Variants in YLPM1 observed in about 807,000 individuals in gnomAD.
YLPM1 encodes the protein YLP motif-containing protein 1.
YLPM1 carries 99 observed loss-of-function variants against 230.0 expected under a neutral mutation model. The ratio of observed to expected loss-of-function variants is 0.43; its 90% CI spans 0.37 to 0.51. The LOEUF is 0.51. Among genes scored for constraint, YLPM1 ranks in the 20% least tolerant of loss-of-function variants. YLPM1 has a pLI of 0.00. For missense variants in YLPM1, 2,592 were observed against 2,707.7 expected, an observed-to-expected ratio of 0.96 and a Z score of 0.95; for synonymous variants, 984 against 942.5, an observed-to-expected ratio of 1.04 and a Z score of -0.81.
chr14:74,779,647 T>C (rs112656563), intron 2 of YLPM1, among the ~76,000 whole-genome samples: 19 of 151,946 alleles, frequency 1.3e-4, no homozygotes, highest in African/African-American at 3.6e-4. Flanking sequence ...TTCACTTTTT[T>C]TTTTTTTTTT....
intron 19 of YLPM1, among the ~76,000 whole-genome samples, chr14:74,833,552 T>G (rs578255578): frequency 6.6e-6 from 1 of 152,346 alleles, no homozygotes; most frequent in Non-Finnish European, 1.5e-5. Context: ...TGTGCCTGGC[T>G]GTATATATGA....
In YLPM1 at chr14:74,781,350, T is replaced by C. The variant is rs370571610; in HGVS notation, c.1307T>C (p.Met436Thr). The change falls in exon 4 of 21, where the codon ATG becomes ACG. Residue 436 changes from methionine (M) to threonine (T), a missense_variant. This residue lies in a region of YLPM1 where 1,862 missense variants were observed against 1,819.8 expected (regional missense o/e 1.02). Transcript: ENST00000325680. The stretch of plus-strand genomic sequence containing the variant: ...TATTTGTAGACCATGTCTGTAGATA[T>C]GCAGCTGCGGCATTATGAGATGCAG... ...PPHIQTMSVD[M>T]QLRHYEMQQQ... 2.1e-5 allele frequency: 33 copies of C among 1,566,836 alleles called. No individual in the cohort carries two copies. Among genetic ancestry groups the C allele is most frequent in the Non-Finnish European group, 2.5e-5 (29 of 1,154,980 alleles).
Position 74,781,649 on chromosome 14 carries a change from C to G in YLPM1, c.1606C>G (p.Pro536Ala), listed in dbSNP as rs1426783130. Residue 536 changes from proline to alanine, a missense_variant, in exon 4 of 21, where the codon CCA becomes GCA. This residue lies in a region of YLPM1 where 1,862 missense variants were observed against 1,819.8 expected (regional missense o/e 1.02). Coordinates refer to ENST00000325680, the MANE Select transcript of YLPM1 (RefSeq NM_019589.3). The part of the protein sequence containing the change: ...MPPPLPTMPP[P>A]VLPPSLPPPV... The stretch of plus-strand genomic sequence containing the variant: ...TCCACCTCTACCTACAATGCCCCCT[C>G]CAGTGTTGCCTCCTTCATTGCCACC... 3.7e-6 allele frequency: 6 copies of G among 1,613,692 alleles called. No individual in the cohort carries two copies. The highest frequency in any genetic ancestry group is 1.6e-4 in the Middle Eastern group (1 of 6,062).
chr14:74,786,237 C>G (rs1453124020), intron 4 of YLPM1, among the ~76,000 whole-genome samples: 1 of 151,760 alleles, frequency 6.6e-6, no homozygotes, highest in East Asian at 1.9e-4. Context: ...TAACATGCGC[C>G]TGTAGTCCCA....
At chr14:74,772,896 T>C (rs2090992957) in intron 1 of YLPM1, among the ~76,000 whole-genome samples, 2 of 152,210 alleles carry the variant, frequency 1.3e-5, no homozygotes, top group African/African-American at 4.8e-5. Context: ...GTGATATCAT[T>C]ATTATTTATT....
chr14:74,804,327 A>G (rs2091356441), intron 6 of YLPM1, among the ~76,000 whole-genome samples: 1 of 152,118 alleles, frequency 6.6e-6, no homozygotes, highest in African/African-American at 2.4e-5. Flanking sequence ...TTAAAACTTC[A>G]ATGTTCTCCC....
intron 11 of YLPM1, among the ~76,000 whole-genome samples, chr14:74,813,468 A>G (rs1206981258): frequency 4.0e-5 from 6 of 150,370 alleles, no homozygotes; most frequent in Non-Finnish European, 8.9e-5. Flanking sequence ...TTTCTTCACC[A>G]TCCTTGCAAG....
chr14:74,763,825 G>C lies in YLPM1; in HGVS notation c.336G>C (p.Gly112=), dbSNP rs749483295. 8 of 1,508,118 alleles carry C rather than the reference G, an allele frequency of 5.3e-6. No individual in the cohort carries two copies. The African/African-American group carries it at 7.1e-5, about 13-fold the overall frequency. The allele number at this position is 1,508,118 out of a possible 1,614,324, so 93.4% of individuals were successfully genotyped here. The change falls in exon 1 of 21, where the codon GGG becomes GGC. Residue 112 remains glycine, a synonymous_variant. Transcript: ENST00000325680. ...CGCCACCGATGCCCCCGCCACCCGG[G>C]CCGGCCCTCAGCTATCAGAAGCAGC... ...PPPPPMPPPP[G]PALSYQKQQQ...
At position 74,799,093 on chromosome 14, in the gene YLPM1, G is replaced by A; in HGVS notation, c.3796G>A (p.Asp1266Asn). The A allele has an allele frequency of 6.2e-7, 1 of 1,613,946 alleles. No individual in the cohort carries two copies. The highest frequency in any genetic ancestry group is 8.5e-7 in the Non-Finnish European group (1 of 1,179,872). The change falls in exon 5 of 21, where the codon GAT becomes AAT. Residue 1266 changes from aspartate to asparagine, a missense_variant. By Grantham distance (23) the Asp-to-Asn change is conservative. Coordinates refer to ENST00000325680, the MANE Select transcript of YLPM1 (RefSeq NM_019589.3). ...TGGAGATAGGCGAGGCCCTTGGTGGGATGATTGGGAGAGAGACCAGGATAT... is the reference window on the plus strand; with the variant it reads ...TGGAGATAGGCGAGGCCCTTGGTGGAATGATTGGGAGAGAGACCAGGATAT... ...HDGDRRGPWW[D>N]DWERDQDMDE...
At chr14:74,828,135 C>CAT in intron 18 of YLPM1, 1 of 432,688 alleles carries the variant, frequency 2.3e-6, no homozygotes, top group Non-Finnish European at 3.1e-6. Context: ...GTAAACTCAC[C>CAT]CTTTCTGCCA....
At position 74,827,876 on chromosome 14, in the gene YLPM1, A is replaced by G. The variant is rs78511809; in HGVS notation, c.6164-1337A>G. 1,027 of 985,408 alleles carry G rather than the reference A, an allele frequency of 1.0e-3. 5 individuals are homozygous for G. In the African/African-American group the frequency reaches 0.017, roughly 16 times the overall value. The allele number at this position is 985,408 out of a possible 1,614,324, so 61.0% of individuals were successfully genotyped here. A position where few individuals can be genotyped will look rare whatever the true frequency, so the allele number is the denominator to read the frequency against. ...TACGGCCCGTCATATACACGTAGAT[A>G]GAGCCATGTGATTCCAGAAATTAGA... On this transcript the variant is annotated intron_variant, in intron 18 of 20. Transcript: ENST00000325680.
At chr14:74,788,868 A>G (rs1245329651) in intron 4 of YLPM1, among the ~76,000 whole-genome samples, 2 of 152,172 alleles carry the variant, frequency 1.3e-5, no homozygotes, top group African/African-American at 4.8e-5. Context: ...CCGTAAGGCT[A>G]CAAGTATTAT....
chr14:74,806,790 A>C (rs906425620), intron 6 of YLPM1, among the ~76,000 whole-genome samples: 1 of 149,848 alleles, frequency 6.7e-6, no homozygotes, highest in Non-Finnish European at 1.5e-5. Flanking sequence ...TCACCCATTT[A>C]TCTGTTTGAG....
In YLPM1 at chr14:74,824,249, G is replaced by C. The variant is rs780358134; in HGVS notation, c.6112-7G>C. The C allele has an allele frequency of 6.2e-7, 1 of 1,611,808 alleles. No individual in the cohort carries two copies. The highest frequency in any genetic ancestry group is 8.5e-7 in the Non-Finnish European group (1 of 1,178,576). On this transcript the variant is annotated splice_polypyrimidine_tract_variant and splice_region_variant and intron_variant, in intron 17 of 20. Coordinates refer to ENST00000325680, the MANE Select transcript of YLPM1 (RefSeq NM_019589.3). ...ACCCTTCGAGCTTCTCTCTGTGTACGATTTAGGGTTACATTCCGAAAAGCA... is the reference window on the plus strand; with the variant it reads ...ACCCTTCGAGCTTCTCTCTGTGTACCATTTAGGGTTACATTCCGAAAAGCA...
At chr14:74,773,148 C>T (rs1195802945) in intron 1 of YLPM1, among the ~76,000 whole-genome samples, 3 of 152,100 alleles carry the variant, frequency 2.0e-5, no homozygotes, top group Admixed American at 1.3e-4. Flanking sequence ...ATTAGCCGGG[C>T]GTGGTGGCGG....
At chr14:74,774,698 G>A (rs769465698) in intron 1 of YLPM1, among the ~76,000 whole-genome samples, 27 of 151,806 alleles carry the variant, frequency 1.8e-4, no homozygotes, top group African/African-American at 6.5e-4. Context: ...GAGCCACTGC[G>A]CTCCGCCTTT....
At chr14:74,771,111 A>G (rs1222353629) in intron 1 of YLPM1, among the ~76,000 whole-genome samples, 1 of 152,134 alleles carries the variant, frequency 6.6e-6, no homozygotes, top group Non-Finnish European at 1.5e-5. Flanking sequence ...GAAAAACCTA[A>G]AGGAGGAGGA....
rs368145219 is a variant in YLPM1, at chr14:74,829,267, T to C, written c.6218T>C (p.Ile2073Thr). ...AAAAGGAAACGTGACTGGGAGGCCA[T>C]TGCCAGCAGAATGGAGGATTATCTT... ...GTKRKRDWEA[I>T]ASRMEDYLQL... is the part of the protein sequence containing the mutation. Residue 2073 changes from isoleucine to threonine, a missense_variant, in exon 19 of 21, where the codon ATT (isoleucine) becomes ACT (threonine). Ile to Thr is a moderately conservative substitution (Grantham distance 89). Transcript: ENST00000325680. The C allele has an allele frequency of 5.6e-6, 9 of 1,613,326 alleles. No individual in the cohort carries two copies. In the African/African-American group the frequency reaches 6.7e-5, roughly 12 times the overall value.
intron 6 of YLPM1, among the ~76,000 whole-genome samples, chr14:74,805,704 C>CTTT (rs571630763): frequency 1.5e-5 from 2 of 134,550 alleles, no homozygotes; most frequent in Admixed American, 7.4e-5. Context: ...AATAAGCATA[C>CTTT]TTTTTTTTTT....
Sources: allele counts gnomAD v4.1 joint callset (sites outside exome capture counted in the v4.1 genomes callset), GRCh38; gene constraint gnomAD v4.1.1; regional missense constraint gnomAD v4.1.1; transcripts MANE v1.5; gene names NCBI Gene and HGNC (gene_info 2026-07-23, HGNC 2026-07-21).